ZNF565: variants seen among roughly 807,000 people sequenced by gnomAD.
ZNF565 encodes the protein zinc finger protein 565.
ZNF565 carries 27 observed loss-of-function variants against 39.4 expected under a neutral mutation model. That is an observed-to-expected ratio of 0.69 (90% CI 0.51 to 0.95). The LOEUF is 0.95. Ranked by LOEUF, ZNF565 falls within the 40% of genes least tolerant of loss-of-function variation. The pLI is 0.00. For missense variants in ZNF565, 524 were observed against 621.1 expected (o/e 0.84, Z 1.66); for synonymous variants, 185 against 216.6 (o/e 0.85, Z 1.28).
chr19:36,224,591 C>G (rs977217488), intron 1 of ZNF565, among the ~76,000 whole-genome samples: 1 of 152,102 alleles, frequency 6.6e-6, no homozygotes, highest in African/African-American at 2.4e-5. Context: ...TATAGCTAGT[C>G]TCTTAATTGC....
At chr19:36,236,275 TTTCCTCTCAAACC>T in intron 1 of ZNF565, 2 of 820,576 alleles carry the variant, frequency 2.4e-6, no homozygotes, top group Non-Finnish European at 3.6e-6. Context: ...TATGATAACA[TTTCCTCTCAAACC>T]TTATCCCTTA....
In ZNF565 at chr19:36,182,374, C is replaced by T. The variant is rs1314169757; in HGVS notation, c.*92G>A. 8 of 1,110,042 alleles carry T rather than the reference C, an allele frequency of 7.2e-6. No individual in the cohort carries two copies. Among genetic ancestry groups the T allele is most frequent in the African/African-American group, 3.1e-5 (2 of 64,340 alleles). 68.8% of individuals were successfully genotyped at this position (1,110,042 alleles called of 1,614,324 possible). A position where few individuals can be genotyped will look rare whatever the true frequency, so the allele number is the denominator to read the frequency against. On this transcript the variant is annotated 3_prime_UTR_variant, in exon 5 of 5. Coordinates refer to ENST00000304116, the MANE Select transcript of ZNF565 (RefSeq NM_152477.5). The stretch of plus-strand genomic sequence containing the variant: ...GATGGAAGTGACAGGTGTTTTCTGA[C>T]ATTAATTACACTACATTAAAAATTA...
rs542014832 is a variant in ZNF565 at position 36,207,251 on chromosome 19, T to C, written c.-65-5201A>G. ...CCAAGGAATGGCATAATCTGATTTA[T>C]ATTTAAAAGGGGCGGGGCACAGTGG... is the stretch of plus-strand genomic sequence containing the variant. On this transcript the variant is annotated intron_variant, in intron 1 of 4. Transcript: ENST00000304116. Among the ~76,000 whole-genome samples, 5 of 152,178 alleles carry C rather than the reference T, an allele frequency of 3.3e-5. No individual in the cohort carries two copies. The South Asian group carries it at 1.0e-3, about 32-fold the overall frequency.
chr19:36,218,912 C>CA (rs966817825), upstream of ZNF565, among the ~76,000 whole-genome samples: 6 of 151,810 alleles, frequency 4.0e-5, no homozygotes, highest in African/African-American at 1.5e-4. Context: ...AGGTTCACGC[C>CA]ATTCTCCAGC....
intron 2 of ZNF565, among the ~76,000 whole-genome samples, chr19:36,195,439 AAC>A (rs1312529627): frequency 2.0e-5 from 3 of 151,938 alleles, no homozygotes; most frequent in African/African-American, 7.3e-5. Flanking sequence ...CTCTTAGAAA[AAC>A]ACATAATAAT....
Position 36,238,139 on chromosome 19 carries a change from A to G in ZNF565, c.55+7337T>C, listed in dbSNP as rs75206820. On this transcript the variant is annotated intron_variant, in intron 1 of 4. Transcript: ENST00000355114. ...GGGAAATTCTTATGTAATACTATAT[A>G]TCTGTAAAATGCAACAAATGAAATC... 456 of 167,236 alleles carry G rather than the reference A, an allele frequency of 2.7e-3. 9 individuals carry two copies. In the East Asian group the frequency reaches 0.074, roughly 27 times the overall value. The allele number at this position is 167,236 out of a possible 1,614,324, so 10.4% of individuals were successfully genotyped here.
At chr19:36,204,423 G>A (rs190362353) in intron 1 of ZNF565, among the ~76,000 whole-genome samples, 6 of 152,320 alleles carry the variant, frequency 3.9e-5, no homozygotes, top group African/African-American at 1.2e-4. Context: ...AGCAAATGGT[G>A]TATTTGGGAG....
chr19:36,224,108 ACGGT>A (rs1976974796), intron 1 of ZNF565, among the ~76,000 whole-genome samples: 1 of 152,174 alleles, frequency 6.6e-6, no homozygotes. Context: ...CTGGCTGGGC[ACGGT>A]GGCTCACGCC....
chr19:36,189,802 G>A (rs1975459495), intron 4 of ZNF565, among the ~76,000 whole-genome samples: 2 of 151,956 alleles, frequency 1.3e-5, no homozygotes, highest in East Asian at 1.9e-4. Flanking sequence ...CAGTAGAGTC[G>A]TACCCATAAA....
chr19:36,240,381 A>T (rs1210903436), intron 1 of ZNF565, among the ~76,000 whole-genome samples: 1 of 152,188 alleles, frequency 6.6e-6, no homozygotes, highest in Admixed American at 6.5e-5. Flanking sequence ...TGATTGCACC[A>T]CTATATTGCA....
intron 1 of ZNF565, among the ~76,000 whole-genome samples, chr19:36,244,581 G>A (rs1038593078): frequency 2.0e-5 from 3 of 151,880 alleles, no homozygotes; most frequent in African/African-American, 7.3e-5. Flanking sequence ...GGCTGGGCAC[G>A]CTGGCTCACG....
intron 1 of ZNF565, among the ~76,000 whole-genome samples, chr19:36,228,158 CAAAAAA>C (rs71171422): frequency 2.8e-5 from 3 of 106,644 alleles, no homozygotes; most frequent in African/African-American, 4.0e-5. Flanking sequence ...GAAACTGTCT[CAAAAAA>C]AAAAAAAAAA....
chr19:36,220,631 G>A (rs1271122777), intron 1 of ZNF565, among the ~76,000 whole-genome samples: 1 of 152,070 alleles, frequency 6.6e-6, no homozygotes, highest in African/African-American at 2.4e-5. Context: ...CTCCCAAAGC[G>A]CTGGGATTAC....
rs11307687 is a variant in ZNF565 at position 36,208,205 on chromosome 19, A to ATTTTT, written c.-65-6160_-65-6156dup. Among the ~76,000 whole-genome samples the ATTTTT allele has an allele frequency of 1.9e-3, 265 of 136,016 alleles. 1 individual carries two copies. Among genetic ancestry groups the ATTTTT allele is most frequent in the African/African-American group, 6.9e-3 (252 of 36,404 alleles). The allele number at this position is 136,016 out of a possible 152,430, so 89.2% of individuals were successfully genotyped here. A position where few individuals can be genotyped will look rare whatever the true frequency, so the allele number is the denominator to read the frequency against. The stretch of plus-strand genomic sequence containing the variant: ...AATGTGAATTATGAGTTACAGGACA[A>ATTTTT]TTTTTTTTTTTTTTTTTGGCAGGGC... On this transcript the variant is annotated intron_variant, in intron 1 of 4. Coordinates refer to ENST00000304116, the MANE Select transcript of ZNF565 (RefSeq NM_152477.5).
chr19:36,245,584 G>A lies in ZNF565; in HGVS notation c.-54C>T. On this transcript the variant is annotated 5_prime_UTR_variant, in exon 1 of 5. Transcript: ENST00000355114. This position sits in a 1 kb window ranked among gnomAD's most constrained non-coding sequence, Gnocchi z 4.4. The stretch of plus-strand genomic sequence containing the variant: ...TTCCCAGGGTCCACCGCGGATCTAG[G>A]AGGAGGCTTGAGATGCAGCCTCCCA... 1 of 702,056 alleles carries A rather than the reference G, an allele frequency of 1.4e-6. No individual in the cohort carries two copies. Among genetic ancestry groups the A allele is most frequent in the East Asian group, 2.7e-5 (1 of 37,284 alleles). The allele number at this position is 702,056 out of a possible 1,614,324, so 43.5% of individuals were successfully genotyped here.
At position 36,194,244 on chromosome 19, in the gene ZNF565, G is replaced by C. The variant is rs750823566; in HGVS notation, c.221C>G (p.Pro74Arg). Residue 74 changes from proline (P) to arginine (R), a missense_variant, in exon 4 of 5, where the codon CCA (proline) becomes CGA (arginine). Physicochemically the swap from Pro to Arg is moderately radical, Grantham distance 103 (BLOSUM62 -2). Coordinates refer to ENST00000304116, the MANE Select transcript of ZNF565 (RefSeq NM_152477.5). ...CGGCCCTCGCTTACCTGGGCACCAT[G>C]GTCCTGTCACATCATTTGCAATCAT... ...PWMIANDVTG[P>R]WCPDLESRCE... The C allele has an allele frequency of 1.9e-6, 3 of 1,611,882 alleles. No individual in the cohort carries two copies. The highest frequency in any genetic ancestry group is 2.2e-5 in the South Asian group (2 of 90,524).
At chr19:36,242,811 A>G (rs566620355) in intron 1 of ZNF565, among the ~76,000 whole-genome samples, 1 of 152,334 alleles carries the variant, frequency 6.6e-6, no homozygotes, top group East Asian at 1.9e-4. Context: ...CAGCAAGCAC[A>G]TGAAAAGATG....
intron 1 of ZNF565, among the ~76,000 whole-genome samples, chr19:36,208,006 A>G (rs1369474365): frequency 6.6e-6 from 1 of 152,168 alleles, no homozygotes; most frequent in Non-Finnish European, 1.5e-5. Context: ...TGTCCTAACC[A>G]GTACACAAAT....
chr19:36,193,643 A>G (rs1975654340), intron 4 of ZNF565, among the ~76,000 whole-genome samples: 1 of 149,680 alleles, frequency 6.7e-6, no homozygotes, highest in East Asian at 2.0e-4. Context: ...TGGTTTCACC[A>G]TGTTAGCCAG....
Sources: gnomAD v4.1 joint callset for allele counts (sites outside exome capture counted in the v4.1 genomes callset) on GRCh38, gnomAD v4.1.1 for gene constraint, Gnocchi (gnomAD v3.1) non-coding constraint, MANE v1.5 for transcripts, NCBI Gene and HGNC (gene_info 2026-07-23, HGNC 2026-07-21) for gene names.